The following ABI2 variants were observed in gnomAD, a reference collection of about 807,000 sequenced individuals.
The protein encoded by ABI2 is abl interactor 2, also known as abelson interactor 2.
In ABI2, 25 loss-of-function variants were observed where a neutral mutation model predicts 59.2. The observed-to-expected ratio is 0.42, with a 90% CI of 0.31 to 0.59. ABI2 has a LOEUF of 0.59. Ranked by LOEUF, ABI2 falls within the 20% of genes least tolerant of loss-of-function variation. The probability of loss-of-function intolerance (pLI) is 0.14; values close to 1 mark genes in which losing one functional copy is unlikely to be tolerated. For missense variants in ABI2, 545 were observed against 681.8 expected (o/e 0.80, Z 2.23); for synonymous variants, 213 against 235.5 (o/e 0.90, Z 0.87).
intron 1 of ABI2, among the ~76,000 whole-genome samples, chr2:203,352,995 T>C (rs1355703571): frequency 6.6e-6 from 1 of 152,186 alleles, no homozygotes; most frequent in East Asian, 1.9e-4. Context: ...AGCAGTAGGC[T>C]ATACCATATA....
intron 2 of ABI2, among the ~76,000 whole-genome samples, chr2:203,376,360 A>G (rs942303625): frequency 4.6e-5 from 7 of 152,214 alleles, no homozygotes; most frequent in African/African-American, 1.7e-4. Flanking sequence ...CAAAATGTCA[A>G]TAGTGCCACT....
chr2:203,344,540 TTTGTTGTTG>T (rs751012351), intron 1 of ABI2, among the ~76,000 whole-genome samples: 2 of 142,920 alleles, frequency 1.4e-5, no homozygotes, highest in Admixed American at 7.4e-5. Flanking sequence ...TAATTTTTGC[TTTGTTGTTG>T]TTGTTGTTGT....
At chr2:203,412,897 A>G (rs1292017202) in intron 10 of ABI2, among the ~76,000 whole-genome samples, 2 of 152,240 alleles carry the variant, frequency 1.3e-5, no homozygotes, top group Admixed American at 1.3e-4. Flanking sequence ...GAATTGAAGG[A>G]CTTTCCAATG....
chr2:203,388,227 TAGAA>T (rs2096607230), intron 4 of ABI2, among the ~76,000 whole-genome samples: 2 of 152,210 alleles, frequency 1.3e-5, no homozygotes, highest in Admixed American at 6.5e-5. Context: ...ACTCTTTTAA[TAGAA>T]AGGTAATGAA....
intron 7 of ABI2, 141 bp from the exon 8 acceptor site, chr2:203,396,644 G>A: frequency 7.8e-6 from 7 of 893,894 alleles, no homozygotes; most frequent in Non-Finnish European, 1.0e-5. Context: ...TTTAGCATAA[G>A]TTTTATTCTT....
Position 203,380,371 on chromosome 2 carries a change from G to A in ABI2, c.449G>A (p.Gly150Glu). Residue 150 changes from glycine to glutamate, a missense_variant, in exon 3 of 12, where the codon GGA becomes GAA. Physicochemically the swap from Gly to Glu is moderately conservative, Grantham distance 98. This residue lies in a region of ABI2 where 410 missense variants were observed against 435.6 expected (regional missense o/e 0.94). Coordinates refer to ENST00000261018, the MANE Select transcript of ABI2 (RefSeq NM_001375670.1). ...GACTATACAATTCTAGATGATATTG[G>A]ACATGGAGTAAAGGTAGGTATAATT... ...PIDYTILDDI[G>E]HGVKWLLRFK... 8.4e-6 allele frequency: 13 copies of A among 1,548,432 alleles called. No individual in the cohort carries two copies. The highest frequency in any genetic ancestry group is 1.1e-5 in the Non-Finnish European group (13 of 1,152,550).
chr2:203,396,850 G>A lies in ABI2; in HGVS notation c.916G>A (p.Val306Ile), dbSNP rs752410908. ...ATSASAPAPL[V>I]PATVPSSTAP... ...TTCTGCATCTGCCCCTGCTCCTCTTGTTCCTGCTACTGTCCCTTCCTCCAC... is the reference window on the plus strand; with the variant it reads ...TTCTGCATCTGCCCCTGCTCCTCTTATTCCTGCTACTGTCCCTTCCTCCAC... The change falls in exon 8 of 12, where the codon GTT becomes ATT. Residue 306 changes from valine to isoleucine, a missense_variant. By Grantham distance (29) the Val-to-Ile change is conservative. Coordinates refer to ENST00000261018, the MANE Select transcript of ABI2 (RefSeq NM_001375670.1). The A allele has an allele frequency of 6.5e-7, 1 of 1,534,964 alleles. No homozygotes were observed. Among genetic ancestry groups the A allele is most frequent in the Admixed American group, 2.0e-5 (1 of 50,668 alleles).
At chr2:203,362,344 T>C (rs1046407076) in intron 1 of ABI2, among the ~76,000 whole-genome samples, 1 of 152,158 alleles carries the variant, frequency 6.6e-6, no homozygotes, top group African/African-American at 2.4e-5. Context: ...GAATATTTAT[T>C]TTCTTTTAAT....
chr2:203,404,357 A>G (rs780234196), intron 9 of ABI2, among the ~76,000 whole-genome samples: 41 of 152,182 alleles, frequency 2.7e-4, no homozygotes, highest in Non-Finnish European at 4.9e-4. Flanking sequence ...GTGAATACCA[A>G]CTGCCTTAAT....
chr2:203,337,018 G>A (rs1173375544), intron 1 of ABI2, among the ~76,000 whole-genome samples: 1 of 152,106 alleles, frequency 6.6e-6, no homozygotes, highest in Non-Finnish European at 1.5e-5. Flanking sequence ...TATATGACAA[G>A]CCTACAACTA....
intron 11 of ABI2, among the ~76,000 whole-genome samples, chr2:203,419,576 AC>A (rs1457879640): frequency 6.9e-6 from 1 of 145,448 alleles, no homozygotes; most frequent in Non-Finnish European, 1.5e-5. Flanking sequence ...ACGGGGTTTC[AC>A]CGTGTTAGCC....
At chr2:203,350,168 C>T (rs1223873187) in intron 1 of ABI2, among the ~76,000 whole-genome samples, 2 of 152,118 alleles carry the variant, frequency 1.3e-5, no homozygotes, top group Non-Finnish European at 2.9e-5. Context: ...CCTCTGTCTC[C>T]CGGATTCAAG....
In ABI2 at chr2:203,362,744, C is replaced by G. The variant is rs146243304; in HGVS notation, c.118-4133C>G. Reference sequence around the variant, plus strand: ...GTTTCTCCATGTCGGGCAGGCCGGTCTTGAACTCCTGACCTCAGGTGATCC... The same window carrying G: ...GTTTCTCCATGTCGGGCAGGCCGGTGTTGAACTCCTGACCTCAGGTGATCC... On this transcript the variant is annotated intron_variant, in intron 1 of 11. Coordinates refer to ENST00000261018, the MANE Select transcript of ABI2 (RefSeq NM_001375670.1). 3.2e-3 allele frequency among the ~76,000 whole-genome samples: 486 copies of G among 151,930 alleles called. 4 individuals carry two copies. The highest frequency in any genetic ancestry group is 0.011 in the African/African-American group (451 of 41,534).
Position 203,396,805 on chromosome 2 carries a change from A to C in ABI2, c.871A>C (p.Thr291Pro), listed in dbSNP as rs1382042774. 1.3e-6 allele frequency: 2 copies of C among 1,526,310 alleles called. No homozygotes were observed. Among genetic ancestry groups the C allele is most frequent in the African/African-American group, 1.4e-5 (1 of 72,014 alleles). 94.5% of individuals were successfully genotyped at this position (1,526,310 alleles called of 1,614,324 possible). ...CTCAGCCCCTGCTGGCTCTGCTGGC[A>C]CTCCTCCCCTTCCTGCTACTTCTGC... ...VFPAPAGSAG[T>P]PPLPATSASA... Residue 291 changes from threonine to proline, a missense_variant, in exon 8 of 12, where the codon ACT becomes CCT. Around this residue, in one of 4 missense-constraint regions of ABI2, gnomAD observed 410 missense variants for 435.6 expected, o/e 0.94. Coordinates refer to ENST00000261018, the MANE Select transcript of ABI2 (RefSeq NM_001375670.1).
Position 203,351,201 on chromosome 2 carries a change from A to G in ABI2, c.118-15676A>G, listed in dbSNP as rs148468519. 9.5e-3 allele frequency among the ~76,000 whole-genome samples: 1,448 copies of G among 152,266 alleles called. 26 individuals carry two copies. Among genetic ancestry groups the G allele is most frequent in the African/African-American group, 0.034 (1,392 of 41,544 alleles). ...TCTGGACTCTGAATTCCATTGATCT[A>G]TATGTCTATCTGTATGCCAGTACTT... On this transcript the variant is annotated intron_variant, in intron 1 of 11. Coordinates refer to ENST00000261018, the MANE Select transcript of ABI2 (RefSeq NM_001375670.1).
At chr2:203,358,317 T>A (rs1237990883) in intron 1 of ABI2, among the ~76,000 whole-genome samples, 1 of 151,984 alleles carries the variant, frequency 6.6e-6, no homozygotes, top group Non-Finnish European at 1.5e-5. Context: ...TTATTTTTAT[T>A]TTTTATTTTT....
At chr2:203,333,035 C>G (rs961081616) in intron 1 of ABI2, among the ~76,000 whole-genome samples, 2 of 152,096 alleles carry the variant, frequency 1.3e-5, no homozygotes, top group Non-Finnish European at 2.9e-5. Context: ...TCCTTTTCTT[C>G]TCTTAATCAA....
chr2:203,330,487 T>C (rs753223095), intron 1 of ABI2, among the ~76,000 whole-genome samples: 1 of 151,658 alleles, frequency 6.6e-6, no homozygotes, highest in Non-Finnish European at 1.5e-5. Context: ...GGATGGTACA[T>C]ACCTAGTAGG....
At chr2:203,347,257 A>G (rs1187096342) in intron 1 of ABI2, among the ~76,000 whole-genome samples, 1 of 152,136 alleles carries the variant, frequency 6.6e-6, no homozygotes, top group Non-Finnish European at 1.5e-5. Flanking sequence ...CTATTTTTCC[A>G]TCTGAAAATG....
Sources: allele counts gnomAD v4.1 joint callset (sites outside exome capture counted in the v4.1 genomes callset), GRCh38; gene constraint gnomAD v4.1.1; regional missense constraint gnomAD v4.1.1; transcripts MANE v1.5; gene names NCBI Gene and HGNC (gene_info 2026-07-23, HGNC 2026-07-21).